Variants in RTL4 observed in about 807,000 individuals in gnomAD.
RTL4 encodes the protein retrotransposon Gag-like protein 4.
RTL4 carries 4 observed loss-of-function variants against 5.3 expected under a neutral mutation model. The observed-to-expected ratio is 0.75, with a 90% CI of 0.37 to 1.72. The LOEUF is 1.72. Ranked by LOEUF, RTL4 falls within the 40% of genes most tolerant of loss-of-function variation. The pLI is 0.04. For synonymous variants in RTL4, 98 were observed against 87.3 expected, an observed-to-expected ratio of 1.12 and a Z score of -0.68; for missense variants, 260 against 227.1, an observed-to-expected ratio of 1.14 and a Z score of -0.93.
chrX:112,235,021 A>T, the RTL4 span, among the ~76,000 whole-genome samples: 2 of 111,267 alleles, frequency 1.8e-5, no homozygotes, highest in African/African-American at 6.5e-5. Context: ...TATGATTCAG[A>T]CATTCCTGTT....
chrX:112,330,569 T>C, the RTL4 span, among the ~76,000 whole-genome samples: 1 of 110,574 alleles, frequency 9.0e-6, no homozygotes, highest in East Asian at 2.8e-4. Flanking sequence ...ATCATGAAAA[T>C]GGCCATACTG....
At chrX:112,276,712 G>A in the RTL4 span, among the ~76,000 whole-genome samples, 1 of 111,585 alleles carries the variant, frequency 9.0e-6, no homozygotes, top group Non-Finnish European at 1.9e-5. Flanking sequence ...TTTAATATAT[G>A]GTGAAAAGCA....
chrX:112,443,904 G>A, the RTL4 span, among the ~76,000 whole-genome samples: 1 of 111,297 alleles, frequency 9.0e-6, no homozygotes, highest in Non-Finnish European at 1.9e-5. Context: ...TCTCCAGTTC[G>A]TTGATTGTAT....
the RTL4 span, among the ~76,000 whole-genome samples, chrX:112,239,361 G>A: frequency 9.0e-6 from 1 of 110,942 alleles, no homozygotes; most frequent in South Asian, 3.9e-4. Context: ...GAGCTAGCAG[G>A]CATTTCCATC....
chrX:112,277,945 G>A, the RTL4 span, among the ~76,000 whole-genome samples: 1 of 111,919 alleles, frequency 8.9e-6, no homozygotes, highest in Non-Finnish European at 1.9e-5. Context: ...AAAATTTGCA[G>A]CACATTTTTT....
At chrX:112,384,689 C>G in the RTL4 span, among the ~76,000 whole-genome samples, 1 of 111,674 alleles carries the variant, frequency 9.0e-6, no homozygotes, top group Non-Finnish European at 1.9e-5. Flanking sequence ...CTTGGCAGTA[C>G]AAGCTCTTTT....
chrX:112,089,103 T>A, the RTL4 span, among the ~76,000 whole-genome samples: 2 of 111,417 alleles, frequency 1.8e-5, no homozygotes, highest in Non-Finnish European at 3.8e-5. Flanking sequence ...TTCTTTTTTT[T>A]ATTTTTCTTT....
the RTL4 span, among the ~76,000 whole-genome samples, chrX:112,275,156 T>G: frequency 9.3e-6 from 1 of 107,975 alleles, no homozygotes; most frequent in Non-Finnish European, 1.9e-5. Context: ...AACATTTTAA[T>G]TTGATCTCAT....
the RTL4 span, among the ~76,000 whole-genome samples, chrX:112,304,715 A>G: frequency 2.1e-5 from 2 of 97,222 alleles, no homozygotes; most frequent in African/African-American, 7.9e-5. Context: ...ACTAATCCAC[A>G]GCACATGTTT....
At chrX:112,128,659 C>CAAAAAAAAAAAAAAA in the RTL4 span, among the ~76,000 whole-genome samples, 27 of 41,124 alleles carry the variant, frequency 6.6e-4, no homozygotes, top group Non-Finnish European at 1.2e-3. Context: ...CTCTGTCTCA[C>CAAAAAAAAAAAAAAA]AAAAAAAAAA....
chrX:112,193,270 TA>T, the RTL4 span, among the ~76,000 whole-genome samples: 1 of 111,877 alleles, frequency 8.9e-6, no homozygotes, highest in Non-Finnish European at 1.9e-5. Flanking sequence ...AAACATTTAT[TA>T]TTTCTTTGTG....
At chrX:112,381,246 T>A in the RTL4 span, 1 of 1,203,505 alleles carries the variant, frequency 8.3e-7, no homozygotes. Flanking sequence ...ACCTTCAGGA[T>A]GAATGCTTGG....
chrX:112,112,628 A>G, the RTL4 span, among the ~76,000 whole-genome samples: 5 of 111,770 alleles, frequency 4.5e-5, no homozygotes, highest in Admixed American at 4.8e-4. Context: ...AGTTCAAGAG[A>G]TCTAGAGTAC....
chrX:112,448,424 G>A, the RTL4 span, among the ~76,000 whole-genome samples: 2 of 111,726 alleles, frequency 1.8e-5, no homozygotes, highest in African/African-American at 6.5e-5. Context: ...GTAAGATTAA[G>A]GTTGGCTGTG....
At chrX:112,435,524 A>C in the RTL4 span, among the ~76,000 whole-genome samples, 1 of 112,156 alleles carries the variant, frequency 8.9e-6, no homozygotes, top group Non-Finnish European at 1.9e-5. Flanking sequence ...AAGGCAATAA[A>C]TTTGAAAGAA....
At chrX:112,208,157 A>G in the RTL4 span, among the ~76,000 whole-genome samples, 120 of 112,023 alleles carry the variant, frequency 1.1e-3, 1 homozygote, top group Non-Finnish European at 1.8e-3. Flanking sequence ...AACTGCTATT[A>G]GCTGAAAAGG....
the RTL4 span, among the ~76,000 whole-genome samples, chrX:112,323,697 C>A: frequency 9.1e-6 from 1 of 110,462 alleles, no homozygotes; most frequent in Non-Finnish European, 1.9e-5. Flanking sequence ...GCCATGTTTC[C>A]CTGCCTGGTT....
At chrX:112,114,812 G>A in the RTL4 span, among the ~76,000 whole-genome samples, 1 of 111,325 alleles carries the variant, frequency 9.0e-6, no homozygotes, top group African/African-American at 3.3e-5. Flanking sequence ...TTGCATAGTT[G>A]TGGATTATCC....
chrX:112,408,963 C>G, the RTL4 span, among the ~76,000 whole-genome samples: 2 of 111,803 alleles, frequency 1.8e-5, no homozygotes, highest in African/African-American at 6.5e-5. Flanking sequence ...AAAGACTTTC[C>G]CCGACAAACA....
Sources: allele counts gnomAD v4.1 joint callset (sites outside exome capture counted in the v4.1 genomes callset), GRCh38; gene constraint gnomAD v4.1.1; transcripts MANE v1.5; gene names NCBI Gene and HGNC (gene_info 2026-07-23, HGNC 2026-07-21).